Variants in NOS1AP observed in about 807,000 individuals in gnomAD.
NOS1AP encodes the protein nitric oxide synthase 1 adaptor protein, also known as carboxyl-terminal PDZ ligand of neuronal nitric oxide synthase protein.
In NOS1AP, 21 loss-of-function variants were observed where a neutral mutation model predicts 56.2. That is an observed-to-expected ratio of 0.37 (90% CI 0.26 to 0.54). The LOEUF is 0.54. NOS1AP is among the 20% of genes least tolerant of loss of function. NOS1AP has a pLI of 0.84. For missense variants in NOS1AP, 522 were observed against 657.8 expected (o/e 0.79, Z 2.26); for synonymous variants, 270 against 274.6 (o/e 0.98, Z 0.17).
At position 162,099,161 on chromosome 1, in the gene NOS1AP, C is replaced by A. The variant is rs1300536759; in HGVS notation, c.105+28879C>A. Among the ~76,000 whole-genome samples, 142 of 151,860 alleles carry A rather than the reference C, an allele frequency of 9.4e-4. 2 individuals carry two copies. Among genetic ancestry groups the A allele is most frequent in the Non-Finnish European group, 1.6e-4 (11 of 67,974 alleles). ...TAAACGCATTCCTTTTTCCCCATAA[C>A]CTTGCCAGCGTCTGTTACTTTTTGA... On this transcript the variant is annotated intron_variant, in intron 1 of 9. Transcript: ENST00000361897.
At chr1:162,127,697 G>A (rs1648550203) in intron 1 of NOS1AP, among the ~76,000 whole-genome samples, 1 of 152,134 alleles carries the variant, frequency 6.6e-6, no homozygotes, top group Non-Finnish European at 1.5e-5. Context: ...ATAGAGAGAC[G>A]AAGGTGCCAC....
chr1:162,209,020 C>T (rs1652256323), intron 2 of NOS1AP, among the ~76,000 whole-genome samples: 1 of 152,208 alleles, frequency 6.6e-6, no homozygotes, highest in South Asian at 2.1e-4. Flanking sequence ...TTCAGAATGC[C>T]AACACTGCAG....
At chr1:162,233,721 G>A (rs908435216) in intron 2 of NOS1AP, among the ~76,000 whole-genome samples, 3 of 152,240 alleles carry the variant, frequency 2.0e-5, no homozygotes, top group Admixed American at 6.5e-5. Context: ...GACTTTATTT[G>A]CAAGGCAGTG....
rs2101833275 is a variant in NOS1AP at position 162,367,431 on chromosome 1, A to G, written c.1485A>G (p.Glu495=). 6.3e-7 allele frequency: 1 copy of G among 1,582,294 alleles called. No individual in the cohort carries two copies. The highest frequency in any genetic ancestry group is 8.6e-7 in the Non-Finnish European group (1 of 1,161,096). The part of the protein sequence containing the change: ...PRLLNVLQRQ[E]LGDGLDDEIA... ...TGCTGAATGTCCTGCAGAGGCAGGA[A>G]CTGGGCGACGGCCTGGATGATGAGA... Residue 495 remains glutamate (E), a synonymous_variant, in exon 10 of 10, where the codon GAA becomes GAG. Coordinates refer to ENST00000361897, the MANE Select transcript of NOS1AP (RefSeq NM_014697.3). The surrounding 1 kb of genome is among the most constrained non-coding windows in gnomAD (Gnocchi z 6.5).
At chr1:162,171,199 A>G (rs1354334207) in intron 2 of NOS1AP, among the ~76,000 whole-genome samples, 1 of 152,188 alleles carries the variant, frequency 6.6e-6, no homozygotes, top group Non-Finnish European at 1.5e-5. Context: ...GGGAGGGTGC[A>G]GAGATCAAGA....
intron 3 of NOS1AP, 32 bp downstream of exon 3, chr1:162,287,468 A>G (rs769193969): frequency 6.9e-7 from 1 of 1,446,606 alleles, no homozygotes; most frequent in Non-Finnish European, 9.7e-7. Context: ...TCTGAGGTGA[A>G]GAGGAAAGCA....
intron 2 of NOS1AP, among the ~76,000 whole-genome samples, chr1:162,222,750 T>C (rs1291542105): frequency 6.6e-6 from 1 of 152,184 alleles, no homozygotes; most frequent in African/African-American, 2.4e-5. Context: ...ATGTTGGCCA[T>C]GATGAGAGCA....
chr1:162,096,204 G>T (rs2102027004), intron 1 of NOS1AP, among the ~76,000 whole-genome samples: 1 of 152,260 alleles, frequency 6.6e-6, no homozygotes, highest in East Asian at 1.9e-4. Context: ...AACATTAATG[G>T]TTCTTTCCTC....
chr1:162,148,942 C>T (rs113315096), intron 1 of NOS1AP, among the ~76,000 whole-genome samples: 32 of 152,096 alleles, frequency 2.1e-4, no homozygotes, highest in African/African-American at 6.8e-4. Context: ...GGGAGAAGCA[C>T]GTTCGGGGAT....
chr1:162,070,372 A>T lies in NOS1AP; in HGVS notation c.105+90A>T, dbSNP rs1691635678. The T allele has an allele frequency of 7.9e-6, 9 of 1,137,696 alleles. No individual in the cohort carries two copies. In the South Asian group the frequency reaches 1.1e-4, roughly 14 times the overall value. 70.5% of individuals were successfully genotyped at this position (1,137,696 alleles called of 1,614,324 possible). A position where few individuals can be genotyped will look rare whatever the true frequency, so the allele number is the denominator to read the frequency against. ...GGATGCACAGCCGTCCTGGACCCAG[A>T]GCTGGCGGGCTAGGCCGATTTGGGG... is the stretch of plus-strand genomic sequence containing the variant. On this transcript the variant is annotated intron_variant, in intron 1 of 9. Transcript: ENST00000361897.
intron 2 of NOS1AP, among the ~76,000 whole-genome samples, chr1:162,205,957 CTA>C (rs1357513027): frequency 4.6e-5 from 7 of 152,182 alleles, no homozygotes; most frequent in African/African-American, 1.4e-4. Context: ...TCACAGAGGT[CTA>C]TGTCTGTTTG....
chr1:162,120,685 C>A (rs12089476), intron 1 of NOS1AP, among the ~76,000 whole-genome samples: 5,011 of 152,202 alleles, frequency 0.033, 293 homozygotes, highest in African/African-American at 0.11. Flanking sequence ...TATGGGGGAA[C>A]CGCCCCCCCC....
rs1189986182 is a variant in NOS1AP, at chr1:162,357,019, T to C, written c.822T>C (p.Ser274=). The C allele has an allele frequency of 2.5e-6, 4 of 1,613,872 alleles. No individual in the cohort carries two copies. The highest frequency in any genetic ancestry group is 3.4e-6 in the Non-Finnish European group (4 of 1,180,018). Residue 274 remains serine, a synonymous_variant, in exon 8 of 10, where the codon TCT becomes TCC. Transcript: ENST00000361897. The part of the protein sequence containing the change: ...TASPRMLLPS[S]SSKPPGLGTE... ...CACCCAGGATGCTGCTCCCTTCTTC[T>C]TCCTCGAAGCCTCCAGGCCTGGGCA...
intron 4 of NOS1AP, among the ~76,000 whole-genome samples, chr1:162,303,311 A>G (rs2101756840): frequency 6.6e-6 from 1 of 152,364 alleles, no homozygotes; most frequent in South Asian, 2.1e-4. Context: ...GGTGTACAAG[A>G]GTCCCAATTC....
At chr1:162,094,524 A>G (rs777921765) in intron 1 of NOS1AP, among the ~76,000 whole-genome samples, 2 of 152,156 alleles carry the variant, frequency 1.3e-5, no homozygotes, top group Non-Finnish European at 2.9e-5. Flanking sequence ...AAACACAGTC[A>G]TGTTGATGGA....
At chr1:162,251,067 T>A (rs1344985238) in intron 2 of NOS1AP, among the ~76,000 whole-genome samples, 1 of 58,898 alleles carries the variant, frequency 1.7e-5, no homozygotes, top group Non-Finnish European at 2.7e-5. Flanking sequence ...CCTGAGCTTT[T>A]TTGTTTGTTT....
At chr1:162,109,014 G>T (rs1436287250) in intron 1 of NOS1AP, among the ~76,000 whole-genome samples, 1 of 152,238 alleles carries the variant, frequency 6.6e-6, no homozygotes, top group Non-Finnish European at 1.5e-5. Context: ...CAAAGGAGAA[G>T]CAAAGGCACA....
chr1:162,221,861 T>C (rs1185407035), intron 2 of NOS1AP, among the ~76,000 whole-genome samples: 1 of 152,238 alleles, frequency 6.6e-6, no homozygotes. Flanking sequence ...TACTCAATGA[T>C]AAATCAAAGA....
intron 2 of NOS1AP, among the ~76,000 whole-genome samples, chr1:162,186,978 T>A (rs1012152217): frequency 6.6e-6 from 1 of 152,110 alleles, no homozygotes; most frequent in Non-Finnish European, 1.5e-5. Context: ...TATTTGTTTG[T>A]TTTTTTGAGA....
Sources: gnomAD v4.1 joint callset for allele counts (sites outside exome capture counted in the v4.1 genomes callset) on GRCh38, gnomAD v4.1.1 for gene constraint, Gnocchi (gnomAD v3.1) non-coding constraint, MANE v1.5 for transcripts, NCBI Gene and HGNC (gene_info 2026-07-23, HGNC 2026-07-21) for gene names.